ANKS4B: variants seen among roughly 807,000 people sequenced by gnomAD.
ANKS4B encodes ankyrin repeat and SAM domain-containing protein 4B.
Under a neutral mutation model 20.2 loss-of-function variants are expected in ANKS4B, and 21 were observed. The observed-to-expected ratio is 1.04, with a 90% CI of 0.74 to 1.50. The LOEUF (loss-of-function observed/expected upper bound fraction) is 1.50. Ranked by LOEUF, ANKS4B falls within the 40% of genes most tolerant of loss-of-function variation. The pLI is 0.00. For missense variants in ANKS4B, 473 were observed against 494.6 expected (o/e 0.96, Z 0.41); for synonymous variants, 179 against 194.5 (o/e 0.92, Z 0.66).
chr16:21,248,502 G>T (rs1349271194), intron 1 of ANKS4B, among the ~76,000 whole-genome samples: 1 of 151,984 alleles, frequency 6.6e-6, no homozygotes, highest in Non-Finnish European at 1.5e-5. Context: ...GGCTGAGGCG[G>T]GTGGATCACC....
intron 1 of ANKS4B, among the ~76,000 whole-genome samples, chr16:21,235,553 A>G (rs1384616193): frequency 1.3e-5 from 2 of 152,052 alleles, no homozygotes; most frequent in Non-Finnish European, 2.9e-5. Flanking sequence ...ATGTTTGGGG[A>G]CTGTTTTAGT....
At chr16:21,247,647 C>A (rs2093334001) in intron 1 of ANKS4B, among the ~76,000 whole-genome samples, 1 of 152,182 alleles carries the variant, frequency 6.6e-6, no homozygotes, top group South Asian at 2.1e-4. Context: ...TATCAGAGTT[C>A]TCAGCATTGG....
Position 21,250,092 on chromosome 16 carries a change from T to C in ANKS4B, c.526T>C (p.Ser176Pro). ...SKEESGTLSS[S>P]KGTFSRSSPS... ...GGAGGAATCCGGGACTCTCTCTTCT[T>C]CCAAGGGTACCTTCTCCAGATCATC... The change falls in exon 2 of 2, where the codon TCC (serine) becomes CCC (proline). Residue 176 changes from serine to proline, a missense_variant. Physicochemically the swap from Ser to Pro is moderately conservative, Grantham distance 74 (BLOSUM62 -1). Transcript: ENST00000311620. 1 of 1,614,196 alleles carries C rather than the reference T, an allele frequency of 6.2e-7. No individual in the cohort carries two copies. Among genetic ancestry groups the C allele is most frequent in the Non-Finnish European group, 8.5e-7 (1 of 1,180,038 alleles).
intron 1 of ANKS4B, among the ~76,000 whole-genome samples, chr16:21,243,719 A>T (rs538605865): frequency 6.6e-6 from 1 of 151,958 alleles, no homozygotes; most frequent in Non-Finnish European, 1.5e-5. Context: ...CTACAGGTAC[A>T]CACCACCATG....
At chr16:21,249,587 C>T (rs1388063690) in intron 1 of ANKS4B, 144 bp from the exon 2 acceptor site, 3 of 948,444 alleles carry the variant, frequency 3.2e-6, no homozygotes, top group Non-Finnish European at 4.6e-6. Context: ...GACTTGCAGC[C>T]AGTATCTTAT....
At chr16:21,246,141 T>C (rs1205668344) in intron 1 of ANKS4B, among the ~76,000 whole-genome samples, 1 of 152,210 alleles carries the variant, frequency 6.6e-6, no homozygotes, top group Non-Finnish European at 1.5e-5. Flanking sequence ...TGAGAGTATA[T>C]TGAACAAAGG....
chr16:21,250,037 C>G lies in ANKS4B; in HGVS notation c.471C>G (p.His157Gln). The G allele has an allele frequency of 6.2e-7, 1 of 1,614,126 alleles. No individual in the cohort carries two copies. The highest frequency in any genetic ancestry group is 8.5e-7 in the Non-Finnish European group (1 of 1,180,012). ...AGTGTGAGAGGCTCCAGGAGAAGCA[C>G]CAAAATAAGATGGCCCACACCTACA... Reference protein sequence around the residue: ...IKECERLQEKHQNKMAHTYSK... With the variant: ...IKECERLQEKQQNKMAHTYSK... Residue 157 changes from histidine (H) to glutamine (Q), a missense_variant, in exon 2 of 2, where the codon CAC becomes CAG. Coordinates refer to ENST00000311620, the MANE Select transcript of ANKS4B (RefSeq NM_145865.3).
chr16:21,233,974 G>A, intron 1 of ANKS4B, 73 bp downstream of exon 1: 1 of 1,397,104 alleles, frequency 7.2e-7, no homozygotes, highest in Non-Finnish European at 9.9e-7. Flanking sequence ...GCAAGAGGCA[G>A]GGACGTCAAT....
chr16:21,245,878 A>G (rs2093331703), intron 1 of ANKS4B, among the ~76,000 whole-genome samples: 1 of 152,218 alleles, frequency 6.6e-6, no homozygotes, highest in South Asian at 2.1e-4. Flanking sequence ...GGGCAAGGGC[A>G]AGGATAATAA....
intron 1 of ANKS4B, among the ~76,000 whole-genome samples, chr16:21,235,535 C>T (rs140006515): frequency 2.0e-5 from 3 of 152,184 alleles, no homozygotes; most frequent in East Asian, 1.9e-4. Context: ...GGATAACAGT[C>T]GGAGAGAATG....
In ANKS4B at chr16:21,252,658, A is replaced by T. The variant is rs1487909049; in HGVS notation, c.*1838A>T. On this transcript the variant is annotated 3_prime_UTR_variant, in exon 2 of 2. Transcript: ENST00000311620. The stretch of plus-strand genomic sequence containing the variant: ...TTGTCAAAGGAAATTTCACATTTTC[A>T]TGCTTATTATGTACACATGGTTTAT... 6.6e-6 allele frequency: 1 copy of T among 152,252 alleles called. No individual in the cohort carries two copies. The highest frequency in any genetic ancestry group is 1.5e-5 in the Non-Finnish European group (1 of 68,040). 9.4% of individuals were successfully genotyped at this position (152,252 alleles called of 1,614,324 possible).
intron 1 of ANKS4B, among the ~76,000 whole-genome samples, chr16:21,244,263 G>C (rs2093329838): frequency 1.3e-5 from 2 of 152,114 alleles, no homozygotes; most frequent in South Asian, 2.1e-4. Flanking sequence ...GGGCCTGTTG[G>C]GGGGTCGGGG....
Position 21,250,560 on chromosome 16 carries a change from G to C in ANKS4B, c.994G>C (p.Asp332His). 1.2e-6 allele frequency: 2 copies of C among 1,614,228 alleles called. No homozygotes were observed. The highest frequency in any genetic ancestry group is 1.7e-6 in the Non-Finnish European group (2 of 1,180,042). Residue 332 changes from aspartate (D) to histidine (H), a missense_variant, in exon 2 of 2, where the codon GAT becomes CAT. Asp to His is a moderately conservative substitution (Grantham distance 81). Coordinates refer to ENST00000311620, the MANE Select transcript of ANKS4B (RefSeq NM_145865.3). ...ENGLKDDLPW[D>H]DDEVEWEEDV... ...CGGCCTCAAAGATGATCTGCCGTGG[G>C]ATGACGATGAAGTGGAGTGGGAGGA...
chr16:21,247,070 CTTT>C (rs766409434), intron 1 of ANKS4B, among the ~76,000 whole-genome samples: 2 of 139,282 alleles, frequency 1.4e-5, no homozygotes, highest in African/African-American at 2.6e-5. Context: ...TTTTGGTTTG[CTTT>C]TTTTTTTTTT....
At position 21,250,180 on chromosome 16, in the gene ANKS4B, T is replaced by C. The variant is rs2093337273; in HGVS notation, c.614T>C (p.Phe205Ser). 6.2e-7 allele frequency: 1 copy of C among 1,613,990 alleles called. No homozygotes were observed. Among genetic ancestry groups the C allele is most frequent in the Non-Finnish European group, 8.5e-7 (1 of 1,180,046 alleles). Residue 205 changes from phenylalanine (F) to serine (S), a missense_variant, in exon 2 of 2, where the codon TTC becomes TCC. Physicochemically the swap from Phe to Ser is radical, Grantham distance 155. Coordinates refer to ENST00000311620, the MANE Select transcript of ANKS4B (RefSeq NM_145865.3). ...CTATCTAAGGGCATTAAAGACACTT[T>C]CAAGATCAAGTTCAAGAAGAACAAA... is the stretch of plus-strand genomic sequence containing the variant. ...GSLSKGIKDT[F>S]KIKFKKNKDT...
Position 21,253,002 on chromosome 16 carries a change from C to A in ANKS4B, c.*2182C>A, listed in dbSNP as rs774336651. 2.5e-5 allele frequency: 3 copies of A among 122,066 alleles called. No individual in the cohort carries two copies. The highest frequency in any genetic ancestry group is 1.6e-5 in the Non-Finnish European group (1 of 62,892). The allele number at this position is 122,066 out of a possible 1,614,324, so 7.6% of individuals were successfully genotyped here. A position where few individuals can be genotyped will look rare whatever the true frequency, so the allele number is the denominator to read the frequency against. On this transcript the variant is annotated 3_prime_UTR_variant, in exon 2 of 2. Coordinates refer to ENST00000311620, the MANE Select transcript of ANKS4B (RefSeq NM_145865.3). ...TTGCACCACTGCACTCTAGCCCAGG[C>A]GGTAAGAGAGACTCCATCTCAAAAA...
intron 1 of ANKS4B, among the ~76,000 whole-genome samples, chr16:21,246,920 A>C (rs1043373390): frequency 1.3e-5 from 2 of 152,258 alleles, no homozygotes; most frequent in Non-Finnish European, 2.9e-5. Flanking sequence ...AATCTGATTT[A>C]TCAAATTATA....
intron 1 of ANKS4B, among the ~76,000 whole-genome samples, chr16:21,242,429 G>A (rs767746458): frequency 6.6e-6 from 1 of 152,110 alleles, no homozygotes; most frequent in Non-Finnish European, 1.5e-5. Context: ...CTCGTGATCT[G>A]CCCACCTCAG....
chr16:21,243,460 G>C (rs1189231879), intron 1 of ANKS4B, among the ~76,000 whole-genome samples: 2 of 152,202 alleles, frequency 1.3e-5, no homozygotes, highest in Non-Finnish European at 1.5e-5. Context: ...ACAATGACAA[G>C]TATGGAATTT....
Sources: allele counts gnomAD v4.1 joint callset (sites outside exome capture counted in the v4.1 genomes callset), GRCh38; gene constraint gnomAD v4.1.1; transcripts MANE v1.5; gene names NCBI Gene and HGNC (gene_info 2026-07-23, HGNC 2026-07-21).